Variants in GABRG2 observed in about 807,000 individuals in gnomAD.
GABRG2 encodes gamma-aminobutyric acid type A receptor subunit gamma2, also known as gamma-aminobutyric acid receptor subunit gamma-2.
In GABRG2, 16 loss-of-function variants were observed where a neutral mutation model predicts 56.4. The ratio of observed to expected loss-of-function variants is 0.28; its 90% CI spans 0.19 to 0.43. The LOEUF (loss-of-function observed/expected upper bound fraction) is 0.43. Among genes scored for constraint, GABRG2 ranks in the 20% least tolerant of loss-of-function variants. The pLI, the probability that GABRG2 is intolerant of heterozygous loss-of-function variation, is 1.00. For synonymous variants in GABRG2, 208 were observed against 205.5 expected, an observed-to-expected ratio of 1.01 and a Z score of -0.10; for missense variants, 327 against 582.7, an observed-to-expected ratio of 0.56 and a Z score of 4.52.
Position 162,142,332 on chromosome 5 carries a change from TTA to T in GABRG2, c.922+18_922+19del, listed in dbSNP as rs1269782164. On this transcript the variant is annotated intron_variant, in intron 7 of 9. Transcript: ENST00000639213. ...ACATCTTTAGGTGAGACACCTTTGT[TTA>T]TGTTGCAGTTTCTCAAGATAAGTAC... 6.2e-7 allele frequency: 1 copy of T among 1,613,766 alleles called. No individual in the cohort carries two copies.
chr5:162,143,790 C>T (rs867198483), intron 7 of GABRG2, among the ~76,000 whole-genome samples: 2 of 152,062 alleles, frequency 1.3e-5, no homozygotes, highest in Non-Finnish European at 1.5e-5. Context: ...TTAAAGTATT[C>T]GATGCAAATT....
intron 6 of GABRG2, among the ~76,000 whole-genome samples, chr5:162,109,412 A>ATTTATTTATT (rs1246295668): frequency 8.3e-6 from 1 of 120,334 alleles, no homozygotes; most frequent in African/African-American, 3.1e-5. Flanking sequence ...ATATATATAT[A>ATTTATTTATT]TATATATATA....
At chr5:162,079,092 C>T (rs1250598740) in intron 1 of GABRG2, among the ~76,000 whole-genome samples, 1 of 151,678 alleles carries the variant, frequency 6.6e-6, no homozygotes, top group East Asian at 1.9e-4. Context: ...TACTCACATA[C>T]TCCTCAAAAT....
chr5:162,145,217 G>A (rs916797442), intron 7 of GABRG2, among the ~76,000 whole-genome samples: 13 of 152,250 alleles, frequency 8.5e-5, no homozygotes, highest in Admixed American at 2.0e-4. Flanking sequence ...CTAGAGTATG[G>A]GCAGCCACCA....
rs1331890338 is a variant in GABRG2, at chr5:162,142,153, G to A, written c.770-11G>A. On this transcript the variant is annotated splice_polypyrimidine_tract_variant and intron_variant, in intron 6 of 9. Coordinates refer to ENST00000639213, the MANE Select transcript of GABRG2 (RefSeq NM_198904.4). ...AAAGGGTTGTATGGTGTTATCTTTG[G>A]TCTGTTCCAGGAGATTATGTGGTCA... 6.2e-7 allele frequency: 1 copy of A among 1,613,872 alleles called. No individual in the cohort carries two copies.
At chr5:162,103,643 C>A in intron 5 of GABRG2, 3 of 524,962 alleles carry the variant, frequency 5.7e-6, no homozygotes, top group Middle Eastern at 5.3e-4. Flanking sequence ...TGTAGTATAC[C>A]TTCTATGTCA....
At chr5:162,088,604 T>A (rs186504540) in intron 1 of GABRG2, among the ~76,000 whole-genome samples, 1 of 152,162 alleles carries the variant, frequency 6.6e-6, no homozygotes, top group Admixed American at 6.6e-5. Flanking sequence ...ATAAATTAAT[T>A]TATTGTCCTA....
rs377638785 is a variant in GABRG2, at chr5:162,149,184, A to T, written c.999A>T (p.Thr333=). Residue 333 remains threonine (T), a synonymous_variant, in exon 8 of 10, where the codon ACA becomes ACT. Transcript: ENST00000639213. ...RKSLPKVSYV[T]AMDLFVSVCF... The stretch of plus-strand genomic sequence containing the variant: ...CGCTCCCCAAGGTCTCCTATGTCAC[A>T]GCGATGGATCTCTTTGTATCTGTTT... 10 of 1,614,016 alleles carry T rather than the reference A, an allele frequency of 6.2e-6. No individual in the cohort carries two copies. In the African/African-American group the frequency reaches 1.3e-4, roughly 22 times the overall value.
chr5:162,106,918 G>C (rs201330554), intron 6 of GABRG2, among the ~76,000 whole-genome samples: 3 of 98,558 alleles, frequency 3.0e-5, no homozygotes, highest in African/African-American at 8.2e-5. Flanking sequence ...TGTGTCTTGG[G>C]TGGGGGGTTG....
intron 1 of GABRG2, among the ~76,000 whole-genome samples, chr5:162,088,014 C>T (rs13154832): frequency 0.059 from 9,010 of 152,130 alleles, 437 homozygotes; most frequent in East Asian, 0.24. Context: ...TCTAATTCTA[C>T]CCTGTTTGCA....
chr5:162,123,236 T>C (rs1418898014), intron 6 of GABRG2, among the ~76,000 whole-genome samples: 1 of 151,188 alleles, frequency 6.6e-6, no homozygotes, highest in East Asian at 1.9e-4. Flanking sequence ...CCTCCTGATA[T>C]TTTTTTTTCT....
At chr5:162,096,170 T>C in intron 3 of GABRG2, among the ~76,000 whole-genome samples, 1 of 152,072 alleles carries the variant, frequency 6.6e-6, no homozygotes, top group East Asian at 1.9e-4. Context: ...AAAGATGCTC[T>C]GCTAAGTGAG....
chr5:162,097,103 C>CT (rs937588459), intron 3 of GABRG2, among the ~76,000 whole-genome samples: 2 of 152,184 alleles, frequency 1.3e-5, no homozygotes, highest in Admixed American at 6.6e-5. Flanking sequence ...CTGCTTATGA[C>CT]TTTTTTGCAT....
At chr5:162,068,857 G>C (rs868080824) in intron 1 of GABRG2, among the ~76,000 whole-genome samples, 26 of 152,064 alleles carry the variant, frequency 1.7e-4, no homozygotes, top group African/African-American at 6.0e-4. Context: ...TCCTTGATAT[G>C]GGAAGGGGAC....
intron 6 of GABRG2, among the ~76,000 whole-genome samples, chr5:162,112,864 G>C (rs1349883733): frequency 6.6e-6 from 1 of 152,134 alleles, no homozygotes; most frequent in African/African-American, 2.4e-5. Flanking sequence ...GAAACAGATA[G>C]TAAAACCCCA....
intron 6 of GABRG2, among the ~76,000 whole-genome samples, chr5:162,116,208 T>A (rs184994331): frequency 1.7e-4 from 26 of 150,834 alleles, no homozygotes; most frequent in African/African-American, 5.3e-4. Context: ...ATGTTCCTGT[T>A]ATTGTTTTGG....
At chr5:162,132,556 T>G (rs907669207) in intron 6 of GABRG2, among the ~76,000 whole-genome samples, 5 of 151,988 alleles carry the variant, frequency 3.3e-5, no homozygotes, top group Non-Finnish European at 7.4e-5. Context: ...AAGGAGCATA[T>G]CTAGCACTTA....
intron 1 of GABRG2, among the ~76,000 whole-genome samples, chr5:162,091,472 A>G (rs1760580745): frequency 6.6e-6 from 1 of 152,138 alleles, no homozygotes; most frequent in Non-Finnish European, 1.5e-5. Context: ...TTATAAGATG[A>G]AAACTTTGAG....
chr5:162,067,585 A>G (rs1758306488), upstream of GABRG2: 2 of 463,420 alleles, frequency 4.3e-6, no homozygotes, highest in Admixed American at 3.8e-5. Flanking sequence ...TGTAAAAGAA[A>G]AAAAATCAAA....
Sources: gnomAD v4.1 joint callset for allele counts (sites outside exome capture counted in the v4.1 genomes callset) on GRCh38, gnomAD v4.1.1 for gene constraint, MANE v1.5 for transcripts, NCBI Gene and HGNC (gene_info 2026-07-23, HGNC 2026-07-21) for gene names.